Variants in OLR1 observed in about 807,000 individuals in gnomAD.
The protein encoded by OLR1 is oxidized low-density lipoprotein receptor 1.
A neutral mutation model predicts 31.7 loss-of-function variants in OLR1; 23 were observed. That is an observed-to-expected ratio of 0.72 (90% confidence interval 0.52 to 1.03). The LOEUF (loss-of-function observed/expected upper bound fraction) is 1.03. Ranked by LOEUF, OLR1 falls within the 50% of genes least tolerant of loss-of-function variation. OLR1 has a pLI of 0.00. For missense variants in OLR1, 286 were observed against 315.7 expected (o/e 0.91, Z 0.71); for synonymous variants, 117 against 115.8 (o/e 1.01, Z -0.07).
Position 10,159,776 on chromosome 12 carries a change from A to T in OLR1, c.*104T>A. 1.7e-6 allele frequency: 2 copies of T among 1,177,488 alleles called. No homozygotes were observed. Among genetic ancestry groups the T allele is most frequent in the Non-Finnish European group, 2.3e-6 (2 of 856,160 alleles). 72.9% of individuals were successfully genotyped at this position (1,177,488 alleles called of 1,614,324 possible). On this transcript the variant is annotated 3_prime_UTR_variant, in exon 6 of 6. Coordinates refer to ENST00000309539, the MANE Select transcript of OLR1 (RefSeq NM_002543.4). ...AAGGAGTTCTGCAGCCAGCTAAATG[A>T]CAGTTTTCTGGGCTCTCATGTTTGG... is the stretch of plus-strand genomic sequence containing the variant.
chr12:10,172,216 G>T, upstream of OLR1: 2 of 618,442 alleles, frequency 3.2e-6, no homozygotes, highest in Non-Finnish European at 5.6e-6. Context: ...TAGGAGGAAG[G>T]AGAGGCTTTG....
chr12:10,161,180 A>C (rs1948617179), intron 3 of OLR1, among the ~76,000 whole-genome samples: 2 of 152,124 alleles, frequency 1.3e-5, no homozygotes, highest in African/African-American at 2.4e-5. Flanking sequence ...GGTTCTGCAA[A>C]TACCTAAATA....
upstream of OLR1, among the ~76,000 whole-genome samples, chr12:10,172,889 T>C (rs1039399443): frequency 1.3e-5 from 2 of 152,172 alleles, no homozygotes; most frequent in Admixed American, 6.5e-5. Context: ...AACATTGTTA[T>C]AGGAATTCAA....
At chr12:10,175,013 A>AG (rs1240804053), upstream of OLR1, among the ~76,000 whole-genome samples, 2 of 152,294 alleles carry the variant, frequency 1.3e-5, no homozygotes, top group East Asian at 3.9e-4. Flanking sequence ...TCCTGTTTTT[A>AG]AAGATCAGTG....
chr12:10,159,753 G>T lies in OLR1; in HGVS notation c.*127C>A. On this transcript the variant is annotated 3_prime_UTR_variant, in exon 6 of 6. Coordinates refer to ENST00000309539, the MANE Select transcript of OLR1 (RefSeq NM_002543.4). ...CTCCTGGAACCCCAGTTTCTGCAAA[G>T]GAGTTCTGCAGCCAGCTAAATGACA... The T allele has an allele frequency of 1.1e-6, 1 of 874,156 alleles. No homozygotes were observed. Among genetic ancestry groups the T allele is most frequent in the East Asian group, 2.6e-5 (1 of 38,908 alleles). The allele number at this position is 874,156 out of a possible 1,614,324, so 54.1% of individuals were successfully genotyped here.
chr12:10,161,988 G>GA (rs1948625106), intron 3 of OLR1, among the ~76,000 whole-genome samples: 1 of 150,672 alleles, frequency 6.6e-6, no homozygotes, highest in Admixed American at 6.6e-5. Context: ...TTGTTCTAGG[G>GA]AAAATAGTAT....
chr12:10,173,911 G>A (rs189769743), upstream of OLR1, among the ~76,000 whole-genome samples: 41 of 152,066 alleles, frequency 2.7e-4, no homozygotes, highest in East Asian at 7.5e-3. Context: ...ATTTTTAGGT[G>A]TACTGTTCAG....
At chr12:10,167,109 G>A (rs1362552439) in intron 2 of OLR1, 152 bp from the exon 3 acceptor site, 4 of 687,738 alleles carry the variant, frequency 5.8e-6, no homozygotes, top group Admixed American at 2.9e-5. Context: ...TACAGATTTG[G>A]AGGTTCTTGA....
Position 10,172,063 on chromosome 12 carries a change from G to A in OLR1, c.15C>T (p.Asp5=). The change falls in exon 1 of 6, where the codon GAC becomes GAT. Residue 5 remains aspartate (D), a synonymous_variant. Coordinates refer to ENST00000309539, the MANE Select transcript of OLR1 (RefSeq NM_002543.4). MTFD[D]LKIQTVKDQP... Reference sequence around the variant, plus strand: ...GGTCCTTCACAGTCTGGATCTTTAGGTCATCAAAAGTCATTTCCAAATTCA... The same window carrying A: ...GGTCCTTCACAGTCTGGATCTTTAGATCATCAAAAGTCATTTCCAAATTCA... 1.2e-6 allele frequency: 2 copies of A among 1,613,042 alleles called. No individual in the cohort carries two copies. Among genetic ancestry groups the A allele is most frequent in the Non-Finnish European group, 1.7e-6 (2 of 1,179,382 alleles).
chr12:10,173,978 C>T (rs182309173), upstream of OLR1, among the ~76,000 whole-genome samples: 197 of 152,272 alleles, frequency 1.3e-3, no homozygotes, highest in Middle Eastern at 6.8e-3. Context: ...ATCTCCAGAA[C>T]TTTTCATCTT....
upstream of OLR1, among the ~76,000 whole-genome samples, chr12:10,174,948 T>C (rs749648191): frequency 4.6e-5 from 7 of 152,254 alleles, no homozygotes; most frequent in Non-Finnish European, 1.5e-5. Context: ...TATTCCATTG[T>C]ATGTATAAAC....
intron 3 of OLR1, among the ~76,000 whole-genome samples, chr12:10,162,242 A>G (rs1172264770): frequency 6.6e-6 from 1 of 152,140 alleles, no homozygotes; most frequent in Non-Finnish European, 1.5e-5. Context: ...CTACACTACA[A>G]CCAAAAGGTG....
At chr12:10,169,246 C>G in intron 1 of OLR1, 71 bp from the exon 2 acceptor site, 1 of 1,044,648 alleles carries the variant, frequency 9.6e-7, no homozygotes, top group Non-Finnish European at 1.4e-6. Context: ...TCCTTGGAGC[C>G]TGTCTGTACT....
At position 10,160,034 on chromosome 12, in the gene OLR1, A is replaced by G. The variant is rs1948606988; in HGVS notation, c.681-13T>C. The G allele has an allele frequency of 1.9e-6, 3 of 1,587,388 alleles. No individual in the cohort carries two copies. Among genetic ancestry groups the G allele is most frequent in the Non-Finnish European group, 2.6e-6 (3 of 1,165,616 alleles). On this transcript the variant is annotated splice_polypyrimidine_tract_variant and intron_variant, in intron 5 of 5. Coordinates refer to ENST00000309539, the MANE Select transcript of OLR1 (RefSeq NM_002543.4). ...TCGGACTCTAAATCTGCAGGTAGGA[A>G]AAAACAAAACAAACCAACAAAAAAA...
At position 10,172,056 on chromosome 12, in the gene OLR1, T is replaced by A. The variant is rs1193435510; in HGVS notation, c.22A>T (p.Ile8Phe). 6.2e-7 allele frequency: 1 copy of A among 1,613,718 alleles called. No homozygotes were observed. Among genetic ancestry groups the A allele is most frequent in the Non-Finnish European group, 8.5e-7 (1 of 1,179,834 alleles). The change falls in exon 1 of 6, where the codon ATC becomes TTC. Residue 8 changes from isoleucine to phenylalanine, a missense_variant. Coordinates refer to ENST00000309539, the MANE Select transcript of OLR1 (RefSeq NM_002543.4). ...TCAGGCTGGTCCTTCACAGTCTGGA[T>A]CTTTAGGTCATCAAAAGTCATTTCC... MTFDDLK[I>F]QTVKDQPDEK...
At position 10,159,764 on chromosome 12, in the gene OLR1, G is replaced by A; in HGVS notation, c.*116C>T. On this transcript the variant is annotated 3_prime_UTR_variant, in exon 6 of 6. Transcript: ENST00000309539. ...CCAGTTTCTGCAAAGGAGTTCTGCA[G>A]CCAGCTAAATGACAGTTTTCTGGGC... is the stretch of plus-strand genomic sequence containing the variant. 9.7e-7 allele frequency: 1 copy of A among 1,036,114 alleles called. No homozygotes were observed. 64.2% of individuals were successfully genotyped at this position (1,036,114 alleles called of 1,614,324 possible).
At chr12:10,162,415 T>C (rs11053648) in intron 3 of OLR1, among the ~76,000 whole-genome samples, 61,129 of 152,002 alleles carry the variant, frequency 0.4, 13,761 homozygotes, top group Middle Eastern at 0.57. Context: ...AAACACTAAG[T>C]TGATTTTTCA....
intron 1 of OLR1, 119 bp downstream of exon 1, chr12:10,171,883 A>C (rs1948721919): frequency 1.5e-6 from 1 of 673,122 alleles, no homozygotes; most frequent in Non-Finnish European, 2.6e-6. Context: ...AGTAAATGGT[A>C]TTAATTCTAT....
chr12:10,159,970 T>C lies in OLR1; in HGVS notation c.732A>G (p.Ala244=), dbSNP rs1174203633. Reference sequence around the variant, plus strand: ...CATAAACAGCTCCTCGTTGTATATATGCACAGGTACCTGAAGGGTATGTCT... The same window carrying C: ...CATAAACAGCTCCTCGTTGTATATACGCACAGGTACCTGAAGGGTATGTCT... ...VSQTYPSGTC[A]YIQRGAVYAE... is the part of the protein sequence containing the mutation. The change falls in exon 6 of 6, where the codon GCA becomes GCG. Residue 244 remains alanine, a synonymous_variant. Transcript: ENST00000309539. 1 of 1,614,108 alleles carries C rather than the reference T, an allele frequency of 6.2e-7. No homozygotes were observed. Among genetic ancestry groups the C allele is most frequent in the Admixed American group, 1.7e-5 (1 of 60,024 alleles).
Sources: gnomAD v4.1 joint callset for allele counts (sites outside exome capture counted in the v4.1 genomes callset) on GRCh38, gnomAD v4.1.1 for gene constraint, MANE v1.5 for transcripts, NCBI Gene and HGNC (gene_info 2026-07-23, HGNC 2026-07-21) for gene names.